The following CREB5 variants were observed in gnomAD, a reference collection of about 807,000 sequenced individuals.
The protein encoded by CREB5 is cyclic AMP-responsive element-binding protein 5.
CREB5 carries 19 observed loss-of-function variants against 57.1 expected under a neutral mutation model. That is an observed-to-expected ratio of 0.33 (90% CI 0.23 to 0.49). The LOEUF (loss-of-function observed/expected upper bound fraction) is 0.49, where lower values mean the gene tolerates loss of function less well. Ranked by LOEUF, CREB5 falls within the 20% of genes least tolerant of loss-of-function variation. CREB5 has a pLI of 0.99. For missense variants in CREB5, 579 were observed against 671.6 expected (o/e 0.86, Z 1.52); for synonymous variants, 238 against 238.3 (o/e 1.00, Z 0.01).
intron 5 of CREB5, among the ~76,000 whole-genome samples, chr7:28,689,293 C>T (rs1801117222): frequency 6.6e-6 from 1 of 151,898 alleles, no homozygotes; most frequent in Non-Finnish European, 1.5e-5. Flanking sequence ...ATGGTGAAAC[C>T]CCGTCTCTAC....
intron 1 of CREB5, among the ~76,000 whole-genome samples, chr7:28,334,026 T>C (rs1250046423): frequency 6.6e-6 from 1 of 152,238 alleles, no homozygotes; most frequent in Non-Finnish European, 1.5e-5. Context: ...GTGTTTCCTT[T>C]TCTCCACATC....
intron 1 of CREB5, among the ~76,000 whole-genome samples, chr7:28,380,109 G>A (rs1438749129): frequency 6.6e-6 from 1 of 152,172 alleles, no homozygotes; most frequent in Non-Finnish European, 1.5e-5. Context: ...ATGGTTTGAA[G>A]ACTACTGCTG....
At chr7:28,657,000 G>C (rs1799357273) in intron 5 of CREB5, among the ~76,000 whole-genome samples, 1 of 152,038 alleles carries the variant, frequency 6.6e-6, no homozygotes, top group Admixed American at 6.6e-5. Context: ...AGAAAAGTAA[G>C]GAAAAAGAGG....
At chr7:28,798,877 C>A (rs919067730) in intron 7 of CREB5, among the ~76,000 whole-genome samples, 1 of 152,096 alleles carries the variant, frequency 6.6e-6, no homozygotes, top group Non-Finnish European at 1.5e-5. Flanking sequence ...CTTGCCTTTT[C>A]TTGGCATTAG....
intron 5 of CREB5, among the ~76,000 whole-genome samples, chr7:28,636,964 G>A (rs750164569): frequency 3.3e-5 from 5 of 151,942 alleles, no homozygotes; most frequent in Non-Finnish European, 7.4e-5. Context: ...GATGAGTCTG[G>A]GCAACATAGT....
At chr7:28,449,310 T>A (rs184468517) in intron 1 of CREB5, among the ~76,000 whole-genome samples, 58 of 152,354 alleles carry the variant, frequency 3.8e-4, no homozygotes, top group African/African-American at 1.4e-3. Context: ...CTCTTAAGTC[T>A]CTGCCTTGAA....
chr7:28,628,807 G>A (rs1234883266), intron 5 of CREB5, among the ~76,000 whole-genome samples: 1 of 152,178 alleles, frequency 6.6e-6, no homozygotes. Context: ...GCCAGACACT[G>A]TGCTAATAGT....
chr7:28,770,770 G>T (rs1476411630), intron 7 of CREB5, among the ~76,000 whole-genome samples: 1 of 152,144 alleles, frequency 6.6e-6, no homozygotes, highest in Non-Finnish European at 1.5e-5. Flanking sequence ...ATATGTGGTG[G>T]TTACCAGGGG....
chr7:28,801,852 C>T (rs996392269), intron 7 of CREB5, among the ~76,000 whole-genome samples: 3 of 151,614 alleles, frequency 2.0e-5, no homozygotes, highest in East Asian at 1.9e-4. Flanking sequence ...TTTGGGAGGC[C>T]GAGGCAGGTG....
At chr7:28,434,675 G>A (rs1788872725) in intron 1 of CREB5, among the ~76,000 whole-genome samples, 2 of 152,248 alleles carry the variant, frequency 1.3e-5, no homozygotes, top group Middle Eastern at 3.4e-3. Flanking sequence ...ATAGTCTGAG[G>A]TGGTTAGTTT....
intron 7 of CREB5, among the ~76,000 whole-genome samples, chr7:28,727,997 G>A (rs1448470537): frequency 1.3e-5 from 2 of 152,122 alleles, no homozygotes; most frequent in Non-Finnish European, 2.9e-5. Context: ...CCTGGTTGGA[G>A]TGCAGTGGCA....
intron 1 of CREB5, among the ~76,000 whole-genome samples, chr7:28,387,695 C>A (rs944522571): frequency 2.0e-5 from 3 of 151,970 alleles, no homozygotes; most frequent in Non-Finnish European, 4.4e-5. Flanking sequence ...GGCTTAATAC[C>A]TAGGTCATGG....
At chr7:28,396,072 A>G (rs757047506) in intron 1 of CREB5, among the ~76,000 whole-genome samples, 2 of 152,216 alleles carry the variant, frequency 1.3e-5, no homozygotes, top group Non-Finnish European at 2.9e-5. Context: ...CCCCTGAAAC[A>G]TTTGCAAATG....
In CREB5 at chr7:28,487,034, TG is replaced by T. The variant is rs577369687; in HGVS notation, c.4-1140del. On this transcript the variant is annotated intron_variant, in intron 1 of 10. Coordinates refer to ENST00000357727, the MANE Select transcript of CREB5 (RefSeq NM_182898.4). ...TTAACATGTGTCTGATGTTTATTTT[TG>T]AGACGGAGTCTTGCTCTGTCACCCA... 1.2e-4 allele frequency among the ~76,000 whole-genome samples: 19 copies of T among 152,288 alleles called. 1 individual carries two copies. In the South Asian group the frequency reaches 2.5e-3, roughly 20 times the overall value.
intron 1 of CREB5, among the ~76,000 whole-genome samples, chr7:28,348,397 GTC>G (rs369766128): frequency 1.1e-4 from 16 of 143,966 alleles, no homozygotes; most frequent in African/African-American, 3.9e-4. Flanking sequence ...CTCTCTCTCT[GTC>G]TCTCTCTCTC....
chr7:28,621,484 C>G (rs1797788626), intron 5 of CREB5, among the ~76,000 whole-genome samples: 1 of 152,144 alleles, frequency 6.6e-6, no homozygotes, highest in South Asian at 2.1e-4. Flanking sequence ...GTGACAAGAC[C>G]TTCACAGACT....
At chr7:28,750,206 C>A (rs1260369641) in intron 7 of CREB5, among the ~76,000 whole-genome samples, 2 of 152,146 alleles carry the variant, frequency 1.3e-5, no homozygotes, top group Non-Finnish European at 2.9e-5. Context: ...CCCCAGCCCC[C>A]AGCCCCAGAA....
intron 1 of CREB5, among the ~76,000 whole-genome samples, chr7:28,372,604 C>G (rs1048682790): frequency 3.3e-5 from 5 of 152,144 alleles, no homozygotes; most frequent in African/African-American, 9.7e-5. Context: ...TGTTATTGCT[C>G]TTATTTCTCC....
At chr7:28,454,855 G>C (rs929699637) in intron 1 of CREB5, among the ~76,000 whole-genome samples, 1 of 152,144 alleles carries the variant, frequency 6.6e-6, no homozygotes, top group South Asian at 2.1e-4. Flanking sequence ...GTGACCCAGG[G>C]CTGGTGGGCA....
Sources: gnomAD v4.1 joint callset for allele counts (sites outside exome capture counted in the v4.1 genomes callset) on GRCh38, gnomAD v4.1.1 for gene constraint, MANE v1.5 for transcripts, NCBI Gene and HGNC (gene_info 2026-07-23, HGNC 2026-07-21) for gene names.